Variants in GRM1 observed in about 807,000 individuals in gnomAD.
GRM1 encodes the protein metabotropic glutamate receptor 1.
GRM1 carries 33 observed loss-of-function variants against 90.9 expected under a neutral mutation model. That is an observed-to-expected ratio of 0.36 (90% CI 0.28 to 0.49). The LOEUF (loss-of-function observed/expected upper bound fraction) is 0.49, where lower values mean the gene tolerates loss of function less well. Among genes scored for constraint, GRM1 ranks in the 20% least tolerant of loss-of-function variants. The probability of loss-of-function intolerance (pLI) is 0.99; values close to 1 mark genes in which losing one functional copy is unlikely to be tolerated. For missense variants in GRM1, 1,190 were observed against 1,534.3 expected (o/e 0.78, Z 3.75); for synonymous variants, 700 against 613.2 (o/e 1.14, Z -2.09).
intron 1 of GRM1, among the ~76,000 whole-genome samples, chr6:146,136,215 C>T (rs1363615252): frequency 2.0e-5 from 3 of 152,148 alleles, no homozygotes; most frequent in African/African-American, 7.2e-5. Flanking sequence ...AAATCTTAGT[C>T]ATGGTAAATA....
intron 2 of GRM1, among the ~76,000 whole-genome samples, chr6:146,242,574 C>T (rs1238619755): frequency 6.6e-6 from 1 of 152,112 alleles, no homozygotes; most frequent in Non-Finnish European, 1.5e-5. Flanking sequence ...AAATACTTTT[C>T]AATCAGCTTC....
chr6:146,086,939 A>G (rs1776565885), intron 1 of GRM1, among the ~76,000 whole-genome samples: 1 of 152,138 alleles, frequency 6.6e-6, no homozygotes, highest in Non-Finnish European at 1.5e-5. Flanking sequence ...TTATGATGGC[A>G]ATATATAAAT....
rs576264651 is a variant in GRM1, at chr6:146,237,426, GT to G, written c.951-67180del. 4.8e-3 allele frequency among the ~76,000 whole-genome samples: 586 copies of G among 121,946 alleles called. 1 individual carries two copies. Among genetic ancestry groups the G allele is most frequent in the African/African-American group, 0.014 (456 of 31,508 alleles). 80.0% of individuals were successfully genotyped at this position (121,946 alleles called of 152,430 possible). A position where few individuals can be genotyped will look rare whatever the true frequency, so the allele number is the denominator to read the frequency against. ...ATTAAGAAACAATGTGCTTTTGTTT[GT>G]TTTTCAAATATAAATTATTTGTAAA... is the stretch of plus-strand genomic sequence containing the variant. On this transcript the variant is annotated intron_variant, in intron 2 of 7. Transcript: ENST00000282753.
chr6:146,145,365 GC>G (rs1777055519), intron 1 of GRM1, among the ~76,000 whole-genome samples: 1 of 152,120 alleles, frequency 6.6e-6, no homozygotes, highest in South Asian at 2.1e-4. Flanking sequence ...CCCCATCACA[GC>G]CCCAGAAGCC....
chr6:146,401,300 A>G (rs1257122269), intron 7 of GRM1, among the ~76,000 whole-genome samples: 1 of 152,132 alleles, frequency 6.6e-6, no homozygotes, highest in Admixed American at 6.6e-5. Flanking sequence ...GTTGATCATA[A>G]AAGTGGTTAG....
intron 5 of GRM1, among the ~76,000 whole-genome samples, chr6:146,379,102 G>T (rs1339882262): frequency 6.6e-6 from 1 of 151,970 alleles, no homozygotes; most frequent in Non-Finnish European, 1.5e-5. Flanking sequence ...CTTGTACTTG[G>T]ATATTGATAT....
intron 2 of GRM1, among the ~76,000 whole-genome samples, chr6:146,215,363 T>C (rs1779832796): frequency 6.6e-6 from 1 of 152,160 alleles, no homozygotes; most frequent in South Asian, 2.1e-4. Flanking sequence ...GTCTTTTCTC[T>C]CTGGCCTTTG....
intron 1 of GRM1, among the ~76,000 whole-genome samples, chr6:146,134,322 T>C (rs1776524918): frequency 6.6e-6 from 1 of 152,192 alleles, no homozygotes; most frequent in African/African-American, 2.4e-5. Context: ...AAGGGCTTAA[T>C]TTGGTACCTA....
chr6:146,183,043 G>A (rs961476301), intron 2 of GRM1, among the ~76,000 whole-genome samples: 13 of 152,098 alleles, frequency 8.5e-5, no homozygotes, highest in Non-Finnish European at 1.9e-4. Context: ...TGGTAGGACA[G>A]CTCTACCTCA....
intron 1 of GRM1, among the ~76,000 whole-genome samples, chr6:146,084,047 G>A (rs989180301): frequency 9.2e-5 from 14 of 152,092 alleles, no homozygotes; most frequent in Non-Finnish European, 1.5e-4. Flanking sequence ...TTATCTAATG[G>A]TAATTTGTAT....
At chr6:146,326,533 C>G (rs1784406532) in intron 3 of GRM1, among the ~76,000 whole-genome samples, 1 of 151,838 alleles carries the variant, frequency 6.6e-6, no homozygotes, top group Non-Finnish European at 1.5e-5. Flanking sequence ...GTACAATAAA[C>G]CCCCAGAACA....
intron 6 of GRM1, among the ~76,000 whole-genome samples, chr6:146,396,107 C>CTA (rs956830563): frequency 4.3e-4 from 15 of 34,636 alleles, no homozygotes; most frequent in Admixed American, 9.4e-4. Flanking sequence ...TATCTATCGT[C>CTA]TATATATATA....
chr6:146,352,806 A>G (rs934415449), intron 4 of GRM1, among the ~76,000 whole-genome samples: 1 of 152,112 alleles, frequency 6.6e-6, no homozygotes, highest in African/African-American at 2.4e-5. Context: ...ACCTAAAGAA[A>G]TTACACTTGG....
At chr6:146,066,789 AGAGAGAAC>A (rs1371078562) in intron 1 of GRM1, among the ~76,000 whole-genome samples, 3 of 152,120 alleles carry the variant, frequency 2.0e-5, no homozygotes, top group African/African-American at 7.2e-5. Flanking sequence ...AGAGAGAGAG[AGAGAGAAC>A]ACAGTAAATG....
chr6:146,197,327 C>A (rs1403762997), intron 2 of GRM1, among the ~76,000 whole-genome samples: 1 of 152,202 alleles, frequency 6.6e-6, no homozygotes, highest in African/African-American at 2.4e-5. Context: ...AAACAAGTTT[C>A]TTTTACTGCA....
intron 7 of GRM1, among the ~76,000 whole-genome samples, chr6:146,405,499 A>T (rs1207956794): frequency 6.6e-6 from 1 of 152,222 alleles, no homozygotes; most frequent in Non-Finnish European, 1.5e-5. Context: ...AGCTGCTGAA[A>T]TAAAAGATGT....
At chr6:146,343,297 C>A (rs1249020050) in intron 3 of GRM1, among the ~76,000 whole-genome samples, 1 of 152,088 alleles carries the variant, frequency 6.6e-6, no homozygotes, top group Non-Finnish European at 1.5e-5. Context: ...CCAGACTTAC[C>A]ATAAACTTAC....
At chr6:146,154,835 GTACTTA>G (rs1777463729) in intron 1 of GRM1, among the ~76,000 whole-genome samples, 1 of 152,172 alleles carries the variant, frequency 6.6e-6, no homozygotes, top group African/African-American at 2.4e-5. Context: ...AACAGTGTAT[GTACTTA>G]TACCTTGCCA....
At chr6:146,176,984 A>C (rs1778361614) in intron 2 of GRM1, among the ~76,000 whole-genome samples, 1 of 152,108 alleles carries the variant, frequency 6.6e-6, no homozygotes, top group Non-Finnish European at 1.5e-5. Context: ...AATGGAATTT[A>C]ACTGTTTAAC....
Sources: gnomAD v4.1 joint callset for allele counts (sites outside exome capture counted in the v4.1 genomes callset) on GRCh38, gnomAD v4.1.1 for gene constraint, MANE v1.5 for transcripts, NCBI Gene and HGNC (gene_info 2026-07-23, HGNC 2026-07-21) for gene names.